The following CNTNAP2 variants were observed in gnomAD, a reference collection of about 807,000 sequenced individuals.
The protein encoded by CNTNAP2 is contactin-associated protein-like 2.
CNTNAP2 carries 98 observed loss-of-function variants against 155.2 expected under a neutral mutation model. That is an observed-to-expected ratio of 0.63 (90% confidence interval 0.54 to 0.75). The LOEUF is 0.75. Among genes scored for constraint, CNTNAP2 ranks in the 30% least tolerant of loss-of-function variants. The pLI is 0.00. For missense variants in CNTNAP2, 1,727 were observed against 1,688.1 expected (o/e 1.02, Z -0.40); for synonymous variants, 651 against 631.2 (o/e 1.03, Z -0.47).
At chr7:146,806,464 C>A (rs1802968778) in intron 2 of CNTNAP2, among the ~76,000 whole-genome samples, 1 of 150,976 alleles carries the variant, frequency 6.6e-6, no homozygotes, top group East Asian at 2.0e-4. Context: ...CCATTGCACT[C>A]CAGCTTAGGC....
At chr7:146,713,839 T>C (rs1801140489) in intron 1 of CNTNAP2, among the ~76,000 whole-genome samples, 1 of 152,108 alleles carries the variant, frequency 6.6e-6, no homozygotes, top group South Asian at 2.1e-4. Context: ...GCAGGTGTCT[T>C]AACTTCTCTA....
intron 21 of CNTNAP2, among the ~76,000 whole-genome samples, chr7:148,299,935 T>C (rs928938213): frequency 6.6e-6 from 1 of 152,334 alleles, no homozygotes; most frequent in South Asian, 2.1e-4. Flanking sequence ...GGAATTGATT[T>C]GATGCTGAAT....
At chr7:148,245,608 G>A (rs747933633) in intron 20 of CNTNAP2, among the ~76,000 whole-genome samples, 1 of 152,154 alleles carries the variant, frequency 6.6e-6, no homozygotes, top group Non-Finnish European at 1.5e-5. Context: ...AGAAGAGCTG[G>A]GATTTGAGCA....
At chr7:147,396,182 C>CAT (rs58129350) in intron 10 of CNTNAP2, among the ~76,000 whole-genome samples, 18,023 of 145,266 alleles carry the variant, frequency 0.12, 1,368 homozygotes, top group East Asian at 0.32. Context: ...ATATATATAG[C>CAT]ATATATATAT....
At chr7:147,774,147 G>A (rs1271613923) in intron 13 of CNTNAP2, among the ~76,000 whole-genome samples, 1 of 151,986 alleles carries the variant, frequency 6.6e-6, no homozygotes, top group East Asian at 1.9e-4. Flanking sequence ...TTGGTCTCTT[G>A]GCACTTAATG....
chr7:146,737,176 G>A (rs182755179), intron 1 of CNTNAP2, among the ~76,000 whole-genome samples: 36 of 152,168 alleles, frequency 2.4e-4, no homozygotes, highest in African/African-American at 8.2e-4. Context: ...CAGGCAAAAT[G>A]TATTTATTGT....
intron 1 of CNTNAP2, among the ~76,000 whole-genome samples, chr7:146,187,619 C>T (rs1798642778): frequency 6.6e-6 from 1 of 152,048 alleles, no homozygotes; most frequent in Non-Finnish European, 1.5e-5. Context: ...TACCCTCTCC[C>T]TTTTTCTTAC....
At chr7:146,217,973 C>A (rs942117661) in intron 1 of CNTNAP2, among the ~76,000 whole-genome samples, 2 of 152,116 alleles carry the variant, frequency 1.3e-5, no homozygotes, top group Non-Finnish European at 2.9e-5. Flanking sequence ...ATGTAACACA[C>A]CTGCACGTAT....
chr7:148,312,844 G>A (rs567882227), intron 21 of CNTNAP2, among the ~76,000 whole-genome samples: 1 of 151,730 alleles, frequency 6.6e-6, no homozygotes, highest in African/African-American at 2.4e-5. Flanking sequence ...GATGGTAAGG[G>A]GTGCATGATC....
chr7:146,142,883 A>G (rs567414388), intron 1 of CNTNAP2, among the ~76,000 whole-genome samples: 5 of 152,370 alleles, frequency 3.3e-5, no homozygotes, highest in South Asian at 2.1e-4. Flanking sequence ...AAATGTTTCA[A>G]TGTAAGAAAA....
At chr7:147,269,068 T>TGAGTGTAACCTGGCTTCCC (rs1804680922) in intron 8 of CNTNAP2, among the ~76,000 whole-genome samples, 1 of 152,190 alleles carries the variant, frequency 6.6e-6, no homozygotes, top group Non-Finnish European at 1.5e-5. Flanking sequence ...AAATGCTTCC[T>TGAGTGTAACCTGGCTTCCC]GAGTGTAACC....
chr7:147,756,335 G>C (rs528916255), intron 13 of CNTNAP2, among the ~76,000 whole-genome samples: 1 of 141,056 alleles, frequency 7.1e-6, no homozygotes, highest in African/African-American at 3.0e-5. Context: ...TTTTCAATAA[G>C]GAAATGATAG....
chr7:147,144,233 G>A (rs988566054), intron 8 of CNTNAP2, among the ~76,000 whole-genome samples: 3 of 152,142 alleles, frequency 2.0e-5, no homozygotes, highest in African/African-American at 7.2e-5. Context: ...TAAGATTACT[G>A]TTTAGAAAAC....
At chr7:146,997,096 G>T (rs1379176809) in intron 3 of CNTNAP2, among the ~76,000 whole-genome samples, 21 of 152,048 alleles carry the variant, frequency 1.4e-4, no homozygotes, top group Non-Finnish European at 4.4e-5. Context: ...CCAGTCTCAG[G>T]TATATCTTTA....
chr7:146,339,046 G>A (rs1221726296), intron 1 of CNTNAP2, among the ~76,000 whole-genome samples: 8 of 152,104 alleles, frequency 5.3e-5, no homozygotes, highest in Admixed American at 3.3e-4. Flanking sequence ...TTAGCTGGGC[G>A]TGGTGGCAGG....
chr7:147,000,184 T>C (rs1021401586), intron 3 of CNTNAP2, among the ~76,000 whole-genome samples: 3 of 152,064 alleles, frequency 2.0e-5, no homozygotes, highest in Admixed American at 6.6e-5. Context: ...ATTTCATTTG[T>C]TGTAATTTTT....
intron 9 of CNTNAP2, among the ~76,000 whole-genome samples, chr7:147,343,231 G>A (rs1795794498): frequency 6.6e-6 from 1 of 151,994 alleles, no homozygotes; most frequent in South Asian, 2.1e-4. Flanking sequence ...TCGAATACAG[G>A]TTACCGTGTT....
chr7:148,196,888 T>C (rs1378164520), intron 18 of CNTNAP2, among the ~76,000 whole-genome samples: 2 of 152,124 alleles, frequency 1.3e-5, no homozygotes, highest in Non-Finnish European at 2.9e-5. Context: ...TCTAACTGCT[T>C]GCACCAGGGT....
chr7:146,787,125 A>G (rs117525841), intron 2 of CNTNAP2, among the ~76,000 whole-genome samples: 2,582 of 152,316 alleles, frequency 0.017, 36 homozygotes, highest in Non-Finnish European at 0.026. Flanking sequence ...CTCTGCTTAG[A>G]CCACCAAATA....
Sources: gnomAD v4.1 joint callset for allele counts (sites outside exome capture counted in the v4.1 genomes callset) on GRCh38, gnomAD v4.1.1 for gene constraint, MANE v1.5 for transcripts, NCBI Gene and HGNC (gene_info 2026-07-23, HGNC 2026-07-21) for gene names.